ATXN1: variants seen among roughly 807,000 people sequenced by gnomAD.
The protein encoded by ATXN1 is ataxin-1.
Under a neutral mutation model 56.4 loss-of-function variants are expected in ATXN1, and 8 were observed. That is an observed-to-expected ratio of 0.14 (90% CI 0.08 to 0.26). The LOEUF (loss-of-function observed/expected upper bound fraction) is 0.26, where lower values mean the gene tolerates loss of function less well. Ranked by LOEUF, ATXN1 falls within the 10% of genes least tolerant of loss-of-function variation. The probability of loss-of-function intolerance (pLI) is 1.00; values close to 1 mark genes in which losing one functional copy is unlikely to be tolerated. For synonymous variants in ATXN1, 514 were observed against 494.6 expected (o/e 1.04, Z -0.52); for missense variants, 987 against 1,106.5 (o/e 0.89, Z 1.53).
chr6:16,380,475 G>A (rs1581724981), intron 6 of ATXN1, among the ~76,000 whole-genome samples: 1 of 148,230 alleles, frequency 6.7e-6, no homozygotes, highest in African/African-American at 2.6e-5. Context: ...GCATCCATGT[G>A]ACTTTTTTTT....
intron 4 of ATXN1, among the ~76,000 whole-genome samples, chr6:16,552,097 A>G (rs993149873): frequency 1.3e-5 from 2 of 152,248 alleles, no homozygotes; most frequent in South Asian, 2.1e-4. Context: ...CTCCAAGGAC[A>G]CATGCTCTCA....
At position 16,326,760 on chromosome 6, in the gene ATXN1, T is replaced by C. The variant is rs1453849001; in HGVS notation, c.1551A>G (p.Ala517=). ...AIVTSSPQFA[A]VPHTFVTTAL... Reference sequence around the variant, plus strand: ...CGGTGGTGACGAACGTGTGAGGCACTGCAGCAAACTGGGGGGATGACGTGA... The same window carrying C: ...CGGTGGTGACGAACGTGTGAGGCACCGCAGCAAACTGGGGGGATGACGTGA... The change falls in exon 7 of 8, where the codon GCA becomes GCG. Residue 517 remains alanine (A), a synonymous_variant. Coordinates refer to ENST00000436367, the MANE Select transcript of ATXN1 (RefSeq NM_001128164.2). The surrounding 1 kb of genome is among the most constrained non-coding windows in gnomAD (Gnocchi z 6.6). 2 of 1,613,460 alleles carry C rather than the reference T, an allele frequency of 1.2e-6. No individual in the cohort carries two copies. The highest frequency in any genetic ancestry group is 2.2e-5 in the South Asian group (2 of 91,050).
intron 6 of ATXN1, among the ~76,000 whole-genome samples, chr6:16,379,703 G>C (rs1762212181): frequency 6.6e-6 from 1 of 152,198 alleles, no homozygotes; most frequent in Non-Finnish European, 1.5e-5. Context: ...TTGGGAACCA[G>C]GCACGTGTAG....
chr6:16,577,824 G>A (rs1417561564), intron 4 of ATXN1, among the ~76,000 whole-genome samples: 1 of 152,080 alleles, frequency 6.6e-6, no homozygotes, highest in Non-Finnish European at 1.5e-5. Context: ...CATATGTAGA[G>A]GGCTCTACAA....
chr6:16,677,546 T>C (rs1758713610), intron 2 of ATXN1, among the ~76,000 whole-genome samples: 1 of 152,150 alleles, frequency 6.6e-6, no homozygotes, highest in Non-Finnish European at 1.5e-5. Context: ...ATACAAAACT[T>C]GTATAGTAGA....
chr6:16,413,111 C>T (rs567770003), intron 6 of ATXN1, among the ~76,000 whole-genome samples: 1 of 152,356 alleles, frequency 6.6e-6, no homozygotes, highest in Non-Finnish European at 1.5e-5. Flanking sequence ...TTGCTGAGCA[C>T]TTCGTTTAAA....
intron 6 of ATXN1, among the ~76,000 whole-genome samples, chr6:16,438,179 G>A (rs2113592530): frequency 6.6e-6 from 1 of 152,302 alleles, no homozygotes; most frequent in East Asian, 1.9e-4. Context: ...GGCTGAGCTG[G>A]CTAATGCCGG....
intron 5 of ATXN1, among the ~76,000 whole-genome samples, chr6:16,513,100 T>A (rs1002923706): frequency 2.0e-5 from 3 of 152,204 alleles, no homozygotes; most frequent in African/African-American, 7.2e-5. Context: ...GCACGCAGAA[T>A]CCCTTCTACG....
chr6:16,483,940 GT>G (rs1316529241), intron 6 of ATXN1, among the ~76,000 whole-genome samples: 1 of 152,180 alleles, frequency 6.6e-6, no homozygotes, highest in Non-Finnish European at 1.5e-5. Flanking sequence ...CATTCTAACA[GT>G]TACCTGATTG....
chr6:16,466,510 T>A (rs1760111162), intron 6 of ATXN1, among the ~76,000 whole-genome samples: 1 of 152,138 alleles, frequency 6.6e-6, no homozygotes, highest in South Asian at 2.1e-4. Flanking sequence ...CATATCCAAC[T>A]GGTGAAATCG....
intron 4 of ATXN1, among the ~76,000 whole-genome samples, chr6:16,577,249 C>T (rs932084920): frequency 1.3e-5 from 2 of 152,128 alleles, no homozygotes; most frequent in Admixed American, 1.3e-4. Flanking sequence ...TTTGGCCGGG[C>T]ACGGTGGCTC....
chr6:16,596,471 C>T (rs1412514911), intron 3 of ATXN1, among the ~76,000 whole-genome samples: 1 of 152,124 alleles, frequency 6.6e-6, no homozygotes, highest in Admixed American at 6.6e-5. Context: ...CTTTGTAATG[C>T]TGATATGTAA....
At chr6:16,411,647 T>C (rs1003546455) in intron 6 of ATXN1, among the ~76,000 whole-genome samples, 8 of 152,166 alleles carry the variant, frequency 5.3e-5, no homozygotes, top group African/African-American at 1.9e-4. Flanking sequence ...ATGAGGATCA[T>C]TGAAGACGTT....
chr6:16,389,230 G>T (rs1323428656), intron 6 of ATXN1, among the ~76,000 whole-genome samples: 2 of 152,090 alleles, frequency 1.3e-5, no homozygotes, highest in Admixed American at 1.3e-4. Context: ...TCAGCTACTC[G>T]GGAGGCTGAG....
chr6:16,319,854 T>C (rs1367837002), intron 7 of ATXN1, among the ~76,000 whole-genome samples: 1 of 149,890 alleles, frequency 6.7e-6, no homozygotes, highest in Non-Finnish European at 1.5e-5. Context: ...AGCATTTTTC[T>C]CCTTTTTTTT....
At chr6:16,661,070 C>A (rs1249401849) in intron 2 of ATXN1, among the ~76,000 whole-genome samples, 1 of 151,698 alleles carries the variant, frequency 6.6e-6, no homozygotes, top group African/African-American at 2.4e-5. Flanking sequence ...AACTCCTGAC[C>A]TCGTGATTCA....
intron 6 of ATXN1, among the ~76,000 whole-genome samples, chr6:16,440,161 C>T (rs1014162411): frequency 3.3e-5 from 5 of 150,804 alleles, no homozygotes; most frequent in Admixed American, 6.6e-5. Context: ...ATGGGTGGAT[C>T]GCTTGAACCC....
chr6:16,532,492 G>A (rs1161350887), intron 4 of ATXN1, among the ~76,000 whole-genome samples: 1 of 152,182 alleles, frequency 6.6e-6, no homozygotes, highest in African/African-American at 2.4e-5. Flanking sequence ...TACTATCTAG[G>A]CATGCAAGAA....
At chr6:16,494,681 A>G (rs537948327) in intron 5 of ATXN1, among the ~76,000 whole-genome samples, 4 of 152,362 alleles carry the variant, frequency 2.6e-5, no homozygotes, top group African/African-American at 9.6e-5. Flanking sequence ...GTATGTCTGC[A>G]TATCAAGAAT....
Sources: gnomAD v4.1 joint callset for allele counts (sites outside exome capture counted in the v4.1 genomes callset) on GRCh38, gnomAD v4.1.1 for gene constraint, Gnocchi (gnomAD v3.1) non-coding constraint, MANE v1.5 for transcripts, NCBI Gene and HGNC (gene_info 2026-07-23, HGNC 2026-07-21) for gene names.